Variants in CLVS1 observed in about 807,000 individuals in gnomAD.
CLVS1 encodes the protein clavesin-1.
In CLVS1, 10 loss-of-function variants were observed where a neutral mutation model predicts 33.1. The ratio of observed to expected loss-of-function variants is 0.30; its 90% CI spans 0.19 to 0.51. The LOEUF (loss-of-function observed/expected upper bound fraction) is 0.51. CLVS1 is among the 20% of genes least tolerant of loss of function. CLVS1 has a pLI of 0.97. For missense variants in CLVS1, 343 were observed against 433.4 expected (o/e 0.79, Z 1.85); for synonymous variants, 163 against 166.1 (o/e 0.98, Z 0.14).
intron 3 of CLVS1, among the ~76,000 whole-genome samples, chr8:61,420,385 G>A (rs1346244891): frequency 6.6e-6 from 1 of 152,022 alleles, no homozygotes; most frequent in African/African-American, 2.4e-5. Context: ...AGATCATGAG[G>A]TCAGGAGTTC....
At position 61,364,373 on chromosome 8, in the gene CLVS1, A is replaced by C. The variant is rs1467961265; in HGVS notation, c.456-12232A>C. On this transcript the variant is annotated intron_variant, in intron 2 of 5. Transcript: ENST00000325897. Reference sequence around the variant, plus strand: ...CTCATAACAATGATGTGTCTTGAGGAAGATAAACTGTTGAAGGATGATACC... The same window carrying C: ...CTCATAACAATGATGTGTCTTGAGGCAGATAAACTGTTGAAGGATGATACC... 3.9e-5 allele frequency among the ~76,000 whole-genome samples: 6 copies of C among 152,364 alleles called. No individual in the cohort carries two copies. The East Asian group carries it at 1.2e-3, about 29-fold the overall frequency.
chr8:61,407,093 T>G (rs1563539456), intron 3 of CLVS1, among the ~76,000 whole-genome samples: 1 of 152,250 alleles, frequency 6.6e-6, no homozygotes, highest in African/African-American at 2.4e-5. Flanking sequence ...CATCTCATGG[T>G]GTACATTACA....
the CLVS1 span, among the ~76,000 whole-genome samples, chr8:61,004,502 C>A: frequency 6.6e-5 from 10 of 152,322 alleles, no homozygotes; most frequent in East Asian, 1.9e-3. Flanking sequence ...GACTCCAGGA[C>A]CAGGCCTGGT....
At chr8:60,998,238 G>T in the CLVS1 span, among the ~76,000 whole-genome samples, 1 of 152,244 alleles carries the variant, frequency 6.6e-6, no homozygotes. Context: ...GGGAAAGGAG[G>T]GGTGCTGAGT....
chr8:61,163,827 C>T (rs1006828371), intron 2 of CLVS1, among the ~76,000 whole-genome samples: 1 of 152,210 alleles, frequency 6.6e-6, no homozygotes, highest in Non-Finnish European at 1.5e-5. Context: ...ATCAGAAACG[C>T]AGCAGACACA....
At chr8:61,019,941 C>T in the CLVS1 span, among the ~76,000 whole-genome samples, 1 of 152,152 alleles carries the variant, frequency 6.6e-6, no homozygotes, top group Non-Finnish European at 1.5e-5. Context: ...CTGTCATCTG[C>T]AGTTGGGTTC....
intron 2 of CLVS1, among the ~76,000 whole-genome samples, chr8:61,143,318 G>GT (rs1223829369): frequency 1.3e-5 from 2 of 152,134 alleles, no homozygotes; most frequent in Admixed American, 1.3e-4. Flanking sequence ...TCGCACTGTG[G>GT]TCCAGCTCAT....
At chr8:61,037,048 G>A in the CLVS1 span, among the ~76,000 whole-genome samples, 1 of 152,174 alleles carries the variant, frequency 6.6e-6, no homozygotes, top group Non-Finnish European at 1.5e-5. Flanking sequence ...CACATTTTCA[G>A]TATTTCTACA....
chr8:61,434,454 G>C (rs951474494), intron 3 of CLVS1, among the ~76,000 whole-genome samples: 2 of 152,210 alleles, frequency 1.3e-5, no homozygotes, highest in African/African-American at 4.8e-5. Context: ...CTGTGACACA[G>C]CCCTCAGGAA....
chr8:61,179,515 C>A (rs1807189129), intron 2 of CLVS1, among the ~76,000 whole-genome samples: 2 of 152,202 alleles, frequency 1.3e-5, no homozygotes, highest in African/African-American at 2.4e-5. Flanking sequence ...ACAGAACTCT[C>A]CACCCCAAAT....
intron 1 of CLVS1, among the ~76,000 whole-genome samples, chr8:61,126,500 C>T (rs1470053862): frequency 6.6e-6 from 1 of 152,126 alleles, no homozygotes; most frequent in Non-Finnish European, 1.5e-5. Context: ...TATTGTTTCA[C>T]AAAATTGGGC....
intron 3 of CLVS1, among the ~76,000 whole-genome samples, chr8:61,421,518 A>T (rs1815663811): frequency 6.6e-6 from 1 of 152,162 alleles, no homozygotes; most frequent in Non-Finnish European, 1.5e-5. Flanking sequence ...CCTGAGCTGA[A>T]CTCAGGTTGT....
At chr8:61,136,725 A>G (rs545983744) in intron 2 of CLVS1, among the ~76,000 whole-genome samples, 34 of 152,222 alleles carry the variant, frequency 2.2e-4, no homozygotes, top group Non-Finnish European at 4.4e-4. Flanking sequence ...CAGGAAAAGT[A>G]ACTAATGGAC....
intron 2 of CLVS1, among the ~76,000 whole-genome samples, chr8:61,310,516 C>T (rs1391347139): frequency 3.3e-5 from 5 of 152,190 alleles, no homozygotes; most frequent in African/African-American, 1.2e-4. Flanking sequence ...ACATTAACGA[C>T]AGGTCTCCAT....
chr8:61,425,073 G>T lies in CLVS1; in HGVS notation c.631-29068G>T, dbSNP rs188944908. On this transcript the variant is annotated intron_variant, in intron 3 of 5. Transcript: ENST00000325897. The stretch of plus-strand genomic sequence containing the variant: ...AAGATTTGAAATCTGCAACACTTCA[G>T]GTCCCAAGCATTTTGGCTAAGGAAT... Among the ~76,000 whole-genome samples, 1,041 of 152,218 alleles carry T rather than the reference G, an allele frequency of 6.8e-3. 8 individuals carry two copies. Among genetic ancestry groups the T allele is most frequent in the African/African-American group, 0.024 (989 of 41,526 alleles).
chr8:61,415,834 C>T (rs567262944), intron 3 of CLVS1, among the ~76,000 whole-genome samples: 32 of 152,162 alleles, frequency 2.1e-4, no homozygotes, highest in East Asian at 9.6e-4. Context: ...GATCCACTGA[C>T]GGATAGGAAG....
intron 1 of CLVS1, among the ~76,000 whole-genome samples, chr8:61,074,655 C>T (rs1438721455): frequency 1.3e-5 from 2 of 151,890 alleles, no homozygotes; most frequent in Admixed American, 1.3e-4. Context: ...ACTTTGTGTA[C>T]TAGCAGCATG....
intron 3 of CLVS1, among the ~76,000 whole-genome samples, chr8:61,384,608 C>T (rs1322086568): frequency 6.6e-6 from 1 of 151,992 alleles, no homozygotes; most frequent in Non-Finnish European, 1.5e-5. Flanking sequence ...CAGGAACGGG[C>T]AGGTGTGGGA....
chr8:61,115,595 A>G (rs929409647), intron 1 of CLVS1, among the ~76,000 whole-genome samples: 21 of 151,790 alleles, frequency 1.4e-4, no homozygotes, highest in East Asian at 3.9e-4. Context: ...TCATTGTTCA[A>G]TTCCCACCTA....
Sources: allele counts gnomAD v4.1 joint callset (sites outside exome capture counted in the v4.1 genomes callset), GRCh38; gene constraint gnomAD v4.1.1; transcripts MANE v1.5; gene names NCBI Gene and HGNC (gene_info 2026-07-23, HGNC 2026-07-21).